MAP3K4: variants seen among roughly 807,000 people sequenced by gnomAD.
The protein encoded by MAP3K4 is mitogen-activated protein kinase kinase kinase 4.
In MAP3K4, 67 loss-of-function variants were observed where a neutral mutation model predicts 185.6. The observed-to-expected ratio is 0.36, with a 90% CI of 0.30 to 0.44. The LOEUF (loss-of-function observed/expected upper bound fraction) is 0.44, where lower values mean the gene tolerates loss of function less well. MAP3K4 is among the 20% of genes least tolerant of loss of function. The pLI is 1.00. For synonymous variants in MAP3K4, 702 were observed against 710.4 expected (o/e 0.99, Z 0.19); for missense variants, 1,551 against 1,995.1 (o/e 0.78, Z 4.24).
Position 161,100,693 on chromosome 6 carries a change from A to G in MAP3K4, c.3675-1199A>G, listed in dbSNP as rs1388785213. 1.3e-5 allele frequency among the ~76,000 whole-genome samples: 2 copies of G among 152,184 alleles called. No homozygotes were observed. The highest frequency in any genetic ancestry group is 2.9e-5 in the Non-Finnish European group (2 of 68,026). On this transcript the variant is annotated intron_variant, in intron 17 of 26. Coordinates refer to ENST00000392142, the MANE Select transcript of MAP3K4 (RefSeq NM_005922.4). This position sits in a 1 kb window ranked among gnomAD's most constrained non-coding sequence, Gnocchi z 5.8. ...TATGTTCTTGCTTTTTACCCGTGCA[A>G]AAATCTCTTAAGGACATGGAATTGG... is the stretch of plus-strand genomic sequence containing the variant.
At position 161,074,467 on chromosome 6, in the gene MAP3K4, C is replaced by A. The variant is rs945550145; in HGVS notation, c.2097+855C>A. ...AGAAAGCTTTATCTGACAGTTTTAA[C>A]TTTTAGTCTGTGTTTATACCTTCTT... On this transcript the variant is annotated intron_variant, in intron 5 of 26. Coordinates refer to ENST00000392142, the MANE Select transcript of MAP3K4 (RefSeq NM_005922.4). This position sits in a 1 kb window ranked among gnomAD's most constrained non-coding sequence, Gnocchi z 5.0. Among the ~76,000 whole-genome samples, 1 of 152,140 alleles carries A rather than the reference C, an allele frequency of 6.6e-6. No individual in the cohort carries two copies. The highest frequency in any genetic ancestry group is 1.5e-5 in the Non-Finnish European group (1 of 68,040).
chr6:161,089,534 A>G (rs1451616353), intron 11 of MAP3K4, 63 bp downstream of exon 11: 1 of 1,581,906 alleles, frequency 6.3e-7, no homozygotes, highest in African/African-American at 1.3e-5. Context: ...AGTGTGTGGT[A>G]ATGTGTGTAA....
chr6:161,001,167 T>C (rs554884252), intron 1 of MAP3K4, among the ~76,000 whole-genome samples: 25 of 148,312 alleles, frequency 1.7e-4, no homozygotes, highest in Admixed American at 5.4e-4. Flanking sequence ...TACATATATA[T>C]GTGTACACAT....
At chr6:160,994,035 G>A (rs1562466459) in intron 1 of MAP3K4, among the ~76,000 whole-genome samples, 1 of 151,870 alleles carries the variant, frequency 6.6e-6, no homozygotes, top group Non-Finnish European at 1.5e-5. Context: ...GATGTAGGGG[G>A]TCTATCCAGT....
intron 1 of MAP3K4, among the ~76,000 whole-genome samples, chr6:161,001,737 G>A (rs1167707432): frequency 6.6e-6 from 1 of 152,184 alleles, no homozygotes; most frequent in Non-Finnish European, 1.5e-5. Context: ...CAGTAGGATT[G>A]TGGGGAAGTA....
Position 160,991,812 on chromosome 6 carries a change from C to T in MAP3K4, c.-120C>T. 5.3e-6 allele frequency: 6 copies of T among 1,142,742 alleles called. No individual in the cohort carries two copies. The highest frequency in any genetic ancestry group is 1.6e-5 in the African/African-American group (1 of 61,040). 70.8% of individuals were successfully genotyped at this position (1,142,742 alleles called of 1,614,324 possible). A position where few individuals can be genotyped will look rare whatever the true frequency, so the allele number is the denominator to read the frequency against. Reference sequence around the variant, plus strand: ...TCCAAGATGGCCGCGGCGCGCACGGCTCCTGCGGCGGGGTAGAGGCGGAGG... The same window carrying T: ...TCCAAGATGGCCGCGGCGCGCACGGTTCCTGCGGCGGGGTAGAGGCGGAGG... On this transcript the variant is annotated 5_prime_UTR_variant, in exon 1 of 27. Transcript: ENST00000392142. The surrounding 1 kb of genome is among the most constrained non-coding windows in gnomAD (Gnocchi z 5.7).
At chr6:161,055,479 G>T (rs934810851) in intron 3 of MAP3K4, among the ~76,000 whole-genome samples, 1 of 152,120 alleles carries the variant, frequency 6.6e-6, no homozygotes, top group Non-Finnish European at 1.5e-5. Context: ...CATCCAGCAC[G>T]CCTTAATATT....
chr6:161,069,796 G>A (rs979380311), intron 3 of MAP3K4, among the ~76,000 whole-genome samples: 2 of 152,110 alleles, frequency 1.3e-5, no homozygotes, highest in South Asian at 2.1e-4. Context: ...AGGAATGATG[G>A]GGAGGGGAGA....
intron 3 of MAP3K4, among the ~76,000 whole-genome samples, chr6:161,066,066 T>G (rs1171867291): frequency 2.0e-5 from 3 of 152,176 alleles, no homozygotes; most frequent in African/African-American, 7.2e-5. Flanking sequence ...GGATTAGGGA[T>G]GCGCAACCTA....
At chr6:161,095,367 C>T (rs1777521928) in intron 15 of MAP3K4, among the ~76,000 whole-genome samples, 1 of 152,180 alleles carries the variant, frequency 6.6e-6, no homozygotes, top group South Asian at 2.1e-4. Context: ...CAGGGGTCAT[C>T]ATTTGGTTTT....
Position 160,994,058 on chromosome 6 carries a change from C to CT in MAP3K4, c.152+1985dup, listed in dbSNP as rs897243321. Among the ~76,000 whole-genome samples the CT allele has an allele frequency of 2.9e-3, 423 of 148,102 alleles. 2 individuals carry two copies. Among genetic ancestry groups the CT allele is most frequent in the African/African-American group, 0.01 (405 of 40,384 alleles). On this transcript the variant is annotated intron_variant, in intron 1 of 26. Transcript: ENST00000392142. ...GGGTCTATCCAGTTGTTCATTTGAA[C>CT]TTTTTTTTTTAACCATTTTAGAGGA...
Position 161,116,786 on chromosome 6 carries a change from T to A in MAP3K4, c.4807-64T>A. ...GGGGCCTTCCCCGTAAGACTCATAC[T>A]GCGCGTATGCACAAGCACACACCTG... On this transcript the variant is annotated intron_variant, in intron 26 of 26. Coordinates refer to ENST00000392142, the MANE Select transcript of MAP3K4 (RefSeq NM_005922.4). This position sits in a 1 kb window ranked among gnomAD's most constrained non-coding sequence, Gnocchi z 6.2. The A allele has an allele frequency of 2.7e-6, 4 of 1,475,330 alleles. No individual in the cohort carries two copies. Among genetic ancestry groups the A allele is most frequent in the Non-Finnish European group, 3.8e-6 (4 of 1,054,866 alleles). The allele number at this position is 1,475,330 out of a possible 1,614,324, so 91.4% of individuals were successfully genotyped here.
chr6:161,095,157 C>T (rs1777512035), intron 15 of MAP3K4, among the ~76,000 whole-genome samples: 1 of 152,110 alleles, frequency 6.6e-6, no homozygotes, highest in African/African-American at 2.4e-5. Context: ...ATTAATAGCG[C>T]TCTCTGGAGA....
intron 1 of MAP3K4, among the ~76,000 whole-genome samples, chr6:161,004,467 G>C (rs1312094988): frequency 2.0e-5 from 3 of 152,164 alleles, no homozygotes; most frequent in Non-Finnish European, 4.4e-5. Context: ...CAACATGACA[G>C]ATAAACCTAA....
Position 161,048,347 on chromosome 6 carries a change from G to A in MAP3K4, c.344-269G>A. On this transcript the variant is annotated intron_variant, in intron 2 of 26. Coordinates refer to ENST00000392142, the MANE Select transcript of MAP3K4 (RefSeq NM_005922.4). This position sits in a 1 kb window ranked among gnomAD's most constrained non-coding sequence, Gnocchi z 4.7. ...TTTGATAACTATGCTTTGTAGCATA[G>A]AGAGAAATAAACAGCTAGTTTAGGT... is the stretch of plus-strand genomic sequence containing the variant. 1 of 633,768 alleles carries A rather than the reference G, an allele frequency of 1.6e-6. No homozygotes were observed. The highest frequency in any genetic ancestry group is 3.0e-6 in the Non-Finnish European group (1 of 331,478). 39.3% of individuals were successfully genotyped at this position (633,768 alleles called of 1,614,324 possible). A position where few individuals can be genotyped will look rare whatever the true frequency, so the allele number is the denominator to read the frequency against.
At position 161,091,324 on chromosome 6, in the gene MAP3K4, G is replaced by C; in HGVS notation, c.2974-55G>C. 1 of 1,436,774 alleles carries C rather than the reference G, an allele frequency of 7.0e-7. No individual in the cohort carries two copies. Among genetic ancestry groups the C allele is most frequent in the Non-Finnish European group, 9.5e-7 (1 of 1,052,308 alleles). The allele number at this position is 1,436,774 out of a possible 1,614,324, so 89.0% of individuals were successfully genotyped here. On this transcript the variant is annotated intron_variant, in intron 11 of 26. Coordinates refer to ENST00000392142, the MANE Select transcript of MAP3K4 (RefSeq NM_005922.4). This position sits in a 1 kb window ranked among gnomAD's most constrained non-coding sequence, Gnocchi z 5.5. ...GAACGAAATCTTCCTTTAAAATGTG[G>C]TAAGTATTGTATGATTTGCTTCATT...
In MAP3K4 at chr6:161,076,164, G is replaced by A. The variant is rs1276661004; in HGVS notation, c.2097+2552G>A. Among the ~76,000 whole-genome samples, 1 of 152,142 alleles carries A rather than the reference G, an allele frequency of 6.6e-6. No individual in the cohort carries two copies. The highest frequency in any genetic ancestry group is 1.5e-5 in the Non-Finnish European group (1 of 68,032). On this transcript the variant is annotated intron_variant, in intron 5 of 26. Transcript: ENST00000392142. This position sits in a 1 kb window ranked among gnomAD's most constrained non-coding sequence, Gnocchi z 4.2. ...AGGTAAACCCAAGCTCTAAATACGT[G>A]TCCGCCTTAGGCCCAGAAGGCCCAC... is the stretch of plus-strand genomic sequence containing the variant.
intron 3 of MAP3K4, among the ~76,000 whole-genome samples, chr6:161,060,431 A>T (rs1350357640): frequency 6.6e-6 from 1 of 152,134 alleles, no homozygotes; most frequent in South Asian, 2.1e-4. Context: ...TCATTAATGT[A>T]TTGAAGTAAT....
intron 5 of MAP3K4, among the ~76,000 whole-genome samples, chr6:161,079,375 T>C (rs1366336521): frequency 1.3e-5 from 2 of 151,462 alleles, no homozygotes; most frequent in Non-Finnish European, 2.9e-5. Flanking sequence ...GTCAGGAGTT[T>C]GAGACCAGCC....
Sources: allele counts gnomAD v4.1 joint callset (sites outside exome capture counted in the v4.1 genomes callset), GRCh38; gene constraint gnomAD v4.1.1; non-coding constraint Gnocchi (gnomAD v3.1); transcripts MANE v1.5; gene names NCBI Gene and HGNC (gene_info 2026-07-23, HGNC 2026-07-21).